CACNA1D: variants seen among roughly 807,000 people sequenced by gnomAD.
CACNA1D encodes voltage-dependent L-type calcium channel subunit alpha-1D.
A neutral mutation model predicts 257.1 loss-of-function variants in CACNA1D; 55 were observed. That is an observed-to-expected ratio of 0.21 (90% confidence interval 0.17 to 0.27). The LOEUF is 0.27. CACNA1D is among the 10% of genes least tolerant of loss of function. The pLI, the probability that CACNA1D is intolerant of heterozygous loss-of-function variation, is 1.00. For synonymous variants in CACNA1D, 980 were observed against 1,014.9 expected (o/e 0.97, Z 0.65); for missense variants, 1,876 against 2,784.0 (o/e 0.67, Z 7.34).
At chr3:53,650,983 G>A (rs2094085721) in intron 4 of CACNA1D, 65 bp downstream of exon 4, 6 of 1,372,820 alleles carry the variant, frequency 4.4e-6, no homozygotes, top group Middle Eastern at 1.8e-4. Flanking sequence ...TGGGGGGGGT[G>A]GTGGTAACAA....
intron 29 of CACNA1D, among the ~76,000 whole-genome samples, chr3:53,760,445 C>T (rs1391063902): frequency 6.6e-6 from 1 of 152,172 alleles, no homozygotes; most frequent in Non-Finnish European, 1.5e-5. Flanking sequence ...TGTAAACAGG[C>T]TGGGCCCCAT....
chr3:53,594,008 G>T (rs991406423), intron 3 of CACNA1D, among the ~76,000 whole-genome samples: 1 of 152,210 alleles, frequency 6.6e-6, no homozygotes, highest in South Asian at 2.1e-4. Flanking sequence ...TGAAGTCTTA[G>T]AAGAAGGAAC....
At chr3:53,625,564 G>T (rs1001191535) in intron 3 of CACNA1D, among the ~76,000 whole-genome samples, 1 of 152,020 alleles carries the variant, frequency 6.6e-6, no homozygotes. Flanking sequence ...TCATGACATC[G>T]TTCTCTGTAC....
chr3:53,731,987 C>G, intron 17 of CACNA1D, 29 bp from the exon 18 acceptor site: 1 of 1,448,924 alleles, frequency 6.9e-7, no homozygotes, highest in African/African-American at 1.4e-5. Context: ...TCAGTCTCCC[C>G]TCCTCCCAAG....
In CACNA1D at chr3:53,753,613, T is replaced by C; in HGVS notation, c.3717T>C (p.Ile1239=). 2.5e-6 allele frequency: 4 copies of C among 1,613,570 alleles called. No individual in the cohort carries two copies. Among genetic ancestry groups the C allele is most frequent in the South Asian group, 1.1e-5 (1 of 91,072 alleles). The change falls in exon 29 of 48, where the codon ATT becomes ATC. Residue 1239 remains isoleucine, a synonymous_variant. Transcript: ENST00000350061. Reference sequence around the variant, plus strand: ...AGATGTTCAATGATGCCATGGACATTCTGAACATGGTCTTCACCGGGGTGT... The same window carrying C: ...AGATGTTCAATGATGCCATGGACATCCTGAACATGGTCTTCACCGGGGTGT... ...QSKMFNDAMD[I]LNMVFTGVFT...
chr3:53,570,946 G>T (rs928965446), intron 3 of CACNA1D, among the ~76,000 whole-genome samples: 1 of 152,226 alleles, frequency 6.6e-6, no homozygotes, highest in African/African-American at 2.4e-5. Flanking sequence ...TCCAGCCAGG[G>T]TCAAGTGGAT....
At chr3:53,580,383 C>G (rs2093111606) in intron 3 of CACNA1D, among the ~76,000 whole-genome samples, 1 of 152,190 alleles carries the variant, frequency 6.6e-6, no homozygotes, top group Non-Finnish European at 1.5e-5. Flanking sequence ...TTAGGTGTGT[C>G]TTTTACAATG....
intron 19 of CACNA1D, 142 bp downstream of exon 19, chr3:53,733,104 TC>T (rs2095015854): frequency 1.3e-6 from 1 of 748,718 alleles, no homozygotes; most frequent in Non-Finnish European, 2.2e-6. Context: ...CTCACCCAAG[TC>T]CCCTCCAACC....
chr3:53,733,027 G>T, intron 19 of CACNA1D, 65 bp downstream of exon 19: 1 of 1,538,576 alleles, frequency 6.5e-7, no homozygotes, highest in Non-Finnish European at 9.0e-7. Context: ...GTTGCTTGAG[G>T]GTGGCTCGGG....
At chr3:53,629,783 G>C (rs934186548) in intron 3 of CACNA1D, among the ~76,000 whole-genome samples, 4 of 152,194 alleles carry the variant, frequency 2.6e-5, no homozygotes, top group Non-Finnish European at 5.9e-5. Context: ...TCACCACTTT[G>C]AGCCCCGATG....
chr3:53,633,772 A>G (rs1576170179), intron 3 of CACNA1D, among the ~76,000 whole-genome samples: 1 of 152,170 alleles, frequency 6.6e-6, no homozygotes, highest in South Asian at 2.1e-4. Flanking sequence ...GTACCCTGAT[A>G]TGTCTGGGTT....
At chr3:53,512,489 T>C (rs1490870265) in intron 3 of CACNA1D, among the ~76,000 whole-genome samples, 1 of 152,174 alleles carries the variant, frequency 6.6e-6, no homozygotes, top group African/African-American at 2.4e-5. Flanking sequence ...ACAGACATGA[T>C]GAGGTTGGGA....
intron 8 of CACNA1D, among the ~76,000 whole-genome samples, chr3:53,688,130 G>A (rs952879195): frequency 6.6e-6 from 1 of 152,210 alleles, no homozygotes; most frequent in Non-Finnish European, 1.5e-5. Context: ...ACTAGTACAT[G>A]AGCACTCATA....
intron 3 of CACNA1D, among the ~76,000 whole-genome samples, chr3:53,641,785 G>T (rs1189824219): frequency 2.6e-5 from 4 of 152,214 alleles, no homozygotes; most frequent in Admixed American, 6.5e-5. Context: ...TTGGAAAGCT[G>T]AGCCTAGATG....
Position 53,666,439 on chromosome 3 carries a change from G to A in CACNA1D, c.1020G>A (p.Pro340=), listed in dbSNP as rs775806704. 4.3e-6 allele frequency: 7 copies of A among 1,614,036 alleles called. No individual in the cohort carries two copies. Among genetic ancestry groups the A allele is most frequent in the Middle Eastern group, 3.3e-4 (2 of 6,084 alleles). ...GTECRSGWVG[P]NGGITNFDNF... The stretch of plus-strand genomic sequence containing the variant: ...AATGTAGGAGTGGCTGGGTTGGCCC[G>A]AACGGAGGCATCACCAACTTTGATA... Residue 340 remains proline (P), a synonymous_variant, in exon 7 of 48, where the codon CCG becomes CCA. Coordinates refer to ENST00000350061, the MANE Select transcript of CACNA1D (RefSeq NM_001128840.3).
chr3:53,559,335 T>C (rs891276741), intron 3 of CACNA1D, among the ~76,000 whole-genome samples: 3 of 152,214 alleles, frequency 2.0e-5, no homozygotes, highest in African/African-American at 7.2e-5. Context: ...GGTTGGTGTC[T>C]TTTGATTGTC....
rs575553907 is a variant in CACNA1D at position 53,800,159 on chromosome 3, C to T, written c.4924-90C>T. 27 of 918,604 alleles carry T rather than the reference C, an allele frequency of 2.9e-5. No individual in the cohort carries two copies. The highest frequency in any genetic ancestry group is 1.0e-4 in the Admixed American group (6 of 59,120). The allele number at this position is 918,604 out of a possible 1,614,324, so 56.9% of individuals were successfully genotyped here. On this transcript the variant is annotated intron_variant, in intron 40 of 47. Coordinates refer to ENST00000350061, the MANE Select transcript of CACNA1D (RefSeq NM_001128840.3). The surrounding 1 kb of genome is among the most constrained non-coding windows in gnomAD (Gnocchi z 4.3). ...CTTTTGGGGAAGCCTTCCTCCCCACCGCTGAATCAGGAAGGAGCAAAGCCA... is the reference window on the plus strand; with the variant it reads ...CTTTTGGGGAAGCCTTCCTCCCCACTGCTGAATCAGGAAGGAGCAAAGCCA...
At chr3:53,735,975 T>C (rs1372768647) in intron 20 of CACNA1D, among the ~76,000 whole-genome samples, 4 of 152,234 alleles carry the variant, frequency 2.6e-5, no homozygotes, top group Admixed American at 2.6e-4. Context: ...TACACCAAGC[T>C]GCTAGGCTCC....
intron 3 of CACNA1D, among the ~76,000 whole-genome samples, chr3:53,622,018 A>G (rs970862536): frequency 6.6e-6 from 1 of 152,196 alleles, no homozygotes; most frequent in Admixed American, 6.5e-5. Flanking sequence ...GAGGGGCTGT[A>G]CAATGGTCCA....
Sources: allele counts gnomAD v4.1 joint callset (sites outside exome capture counted in the v4.1 genomes callset), GRCh38; gene constraint gnomAD v4.1.1; non-coding constraint Gnocchi (gnomAD v3.1); transcripts MANE v1.5; gene names NCBI Gene and HGNC (gene_info 2026-07-23, HGNC 2026-07-21).